Variants in PRKCE observed in about 807,000 individuals in gnomAD.
The protein encoded by PRKCE is protein kinase C epsilon type.
A neutral mutation model predicts 85.4 loss-of-function variants in PRKCE; 16 were observed. That is an observed-to-expected ratio of 0.19 (90% CI 0.13 to 0.28). The LOEUF (loss-of-function observed/expected upper bound fraction) is 0.28. PRKCE is among the 10% of genes least tolerant of loss of function. PRKCE has a pLI of 1.00. For synonymous variants in PRKCE, 388 were observed against 371.5 expected (o/e 1.04, Z -0.51); for missense variants, 573 against 975.2 (o/e 0.59, Z 5.49).
At chr2:45,656,650 A>G (rs2103705682) in intron 1 of PRKCE, among the ~76,000 whole-genome samples, 1 of 152,364 alleles carries the variant, frequency 6.6e-6, no homozygotes, top group East Asian at 1.9e-4. Context: ...AGATTTATAT[A>G]GATCCATATA....
chr2:46,003,314 G>C (rs1021542002), intron 7 of PRKCE, among the ~76,000 whole-genome samples: 4 of 152,216 alleles, frequency 2.6e-5, no homozygotes, highest in African/African-American at 9.7e-5. Context: ...CCAAGAGTTA[G>C]TACTAAAAGG....
chr2:46,178,039 C>A (rs1251372790), intron 14 of PRKCE, among the ~76,000 whole-genome samples: 1 of 152,124 alleles, frequency 6.6e-6, no homozygotes, highest in Non-Finnish European at 1.5e-5. Flanking sequence ...GCAGGTGGGT[C>A]ACCAGAGGTC....
chr2:45,939,674 C>A (rs906108591), intron 2 of PRKCE, among the ~76,000 whole-genome samples: 3 of 152,144 alleles, frequency 2.0e-5, no homozygotes, highest in African/African-American at 7.2e-5. Flanking sequence ...CCTGCCTCAG[C>A]CTCCTAAGTA....
chr2:45,979,998 G>C (rs1234634479), intron 4 of PRKCE, among the ~76,000 whole-genome samples: 1 of 152,142 alleles, frequency 6.6e-6, no homozygotes, highest in Non-Finnish European at 1.5e-5. Flanking sequence ...GTTTTTCCTT[G>C]ACCTTGGCGT....
intron 1 of PRKCE, among the ~76,000 whole-genome samples, chr2:45,684,021 C>T (rs1013311995): frequency 2.6e-5 from 4 of 152,194 alleles, no homozygotes; most frequent in African/African-American, 4.8e-5. Context: ...TAAACAACTT[C>T]AGACCACAGC....
intron 1 of PRKCE, among the ~76,000 whole-genome samples, chr2:45,771,818 C>A (rs1174797796): frequency 6.6e-6 from 1 of 151,922 alleles, no homozygotes; most frequent in Non-Finnish European, 1.5e-5. Flanking sequence ...CCCATTTCTG[C>A]CCCTGCTATT....
chr2:45,889,644 G>A (rs1695567617), intron 2 of PRKCE, among the ~76,000 whole-genome samples: 1 of 152,194 alleles, frequency 6.6e-6, no homozygotes, highest in African/African-American at 2.4e-5. Context: ...TGTTCCCATA[G>A]GAAGTCAGGC....
At chr2:46,103,814 A>G (rs973083995) in intron 11 of PRKCE, among the ~76,000 whole-genome samples, 14 of 152,160 alleles carry the variant, frequency 9.2e-5, no homozygotes, top group African/African-American at 3.4e-4. Context: ...GGATCATCAT[A>G]AAGGTTTTCA....
chr2:45,875,702 G>A (rs1042718033), intron 2 of PRKCE, among the ~76,000 whole-genome samples: 2 of 152,178 alleles, frequency 1.3e-5, no homozygotes, highest in African/African-American at 4.8e-5. Flanking sequence ...CTGCTTTGTT[G>A]GGGTGGTGAG....
At chr2:45,740,305 G>A (rs192258764) in intron 1 of PRKCE, among the ~76,000 whole-genome samples, 54 of 152,300 alleles carry the variant, frequency 3.5e-4, no homozygotes, top group Admixed American at 1.1e-3. Flanking sequence ...CCTAGGGAAT[G>A]TGGGAATCTG....
intron 1 of PRKCE, among the ~76,000 whole-genome samples, chr2:45,761,925 T>C (rs926316276): frequency 1.2e-4 from 19 of 152,088 alleles, no homozygotes; most frequent in Admixed American, 5.2e-4. Context: ...AAAGCCTCCT[T>C]GCCCTTCAGG....
chr2:45,960,015 C>G (rs905547274), intron 2 of PRKCE, among the ~76,000 whole-genome samples: 1 of 152,226 alleles, frequency 6.6e-6, no homozygotes, highest in Non-Finnish European at 1.5e-5. Context: ...CTCTTCCTAT[C>G]TGCTAATCAT....
At chr2:45,694,919 A>G (rs1678017934) in intron 1 of PRKCE, among the ~76,000 whole-genome samples, 1 of 152,168 alleles carries the variant, frequency 6.6e-6, no homozygotes, top group South Asian at 2.1e-4. Context: ...GAAGTTAAAG[A>G]GAAGGGATCA....
chr2:46,182,554 G>A (rs893844728), intron 14 of PRKCE, among the ~76,000 whole-genome samples: 6 of 152,100 alleles, frequency 3.9e-5, no homozygotes, highest in East Asian at 3.9e-4. Context: ...TGGGTTTTCT[G>A]TGTGTCCCCC....
At chr2:45,906,692 G>A (rs1697002105) in intron 2 of PRKCE, among the ~76,000 whole-genome samples, 1 of 152,188 alleles carries the variant, frequency 6.6e-6, no homozygotes, top group African/African-American at 2.4e-5. Flanking sequence ...CATGTGCTCT[G>A]TGTGGGAGGC....
chr2:45,974,964 G>A (rs1702347995), intron 2 of PRKCE, among the ~76,000 whole-genome samples: 1 of 152,140 alleles, frequency 6.6e-6, no homozygotes, highest in Admixed American at 6.5e-5. Flanking sequence ...TGGACTCTTT[G>A]GTGATGAAAG....
At chr2:46,010,208 A>G in intron 9 of PRKCE, 136 bp from the exon 10 acceptor site, 1 of 1,004,306 alleles carries the variant, frequency 1.0e-6, no homozygotes, top group African/African-American at 1.6e-5. Flanking sequence ...GGTGCATGCC[A>G]CCACACCAGG....
chr2:45,886,370 G>A (rs1008519612), intron 2 of PRKCE, among the ~76,000 whole-genome samples: 2 of 152,130 alleles, frequency 1.3e-5, no homozygotes, highest in Admixed American at 6.5e-5. Flanking sequence ...GCCCATGACC[G>A]TCTGGCTATC....
Position 46,159,763 on chromosome 2 carries a change from C to A in PRKCE, c.2067+11C>A. 6.3e-7 allele frequency: 1 copy of A among 1,599,034 alleles called. No homozygotes were observed. The highest frequency in any genetic ancestry group is 8.5e-7 in the Non-Finnish European group (1 of 1,179,690). On this transcript the variant is annotated intron_variant, in intron 14 of 14. Coordinates refer to ENST00000306156, the MANE Select transcript of PRKCE (RefSeq NM_005400.3). This position sits in a 1 kb window ranked among gnomAD's most constrained non-coding sequence, Gnocchi z 4.1. ...TTCAAACCACGCATTGTAAGTTGGT[C>A]CCCGTGCACGTTCAGCACCATGGGT... is the stretch of plus-strand genomic sequence containing the variant.
Sources: allele counts gnomAD v4.1 joint callset (sites outside exome capture counted in the v4.1 genomes callset), GRCh38; gene constraint gnomAD v4.1.1; non-coding constraint Gnocchi (gnomAD v3.1); transcripts MANE v1.5; gene names NCBI Gene and HGNC (gene_info 2026-07-23, HGNC 2026-07-21).